Variants in NECTIN3 observed in about 807,000 individuals in gnomAD.
NECTIN3 encodes the protein nectin cell adhesion molecule 3.
In NECTIN3, 8 loss-of-function variants were observed where a neutral mutation model predicts 49.4. That is an observed-to-expected ratio of 0.16 (90% CI 0.10 to 0.29). NECTIN3 has a LOEUF of 0.29. Among genes scored for constraint, NECTIN3 ranks in the 10% least tolerant of loss-of-function variants. The pLI is 1.00. For synonymous variants in NECTIN3, 277 were observed against 241.1 expected, an observed-to-expected ratio of 1.15 and a Z score of -1.38; for missense variants, 581 against 654.6, an observed-to-expected ratio of 0.89 and a Z score of 1.23.
At chr3:111,075,343 C>A (rs1027553466) in intron 1 of NECTIN3, 2 of 152,252 alleles carry the variant, frequency 1.3e-5, no homozygotes, top group African/African-American at 4.8e-5. Flanking sequence ...GTCCTTCCCT[C>A]CCTTCCTCTC....
intron 7 of NECTIN3, among the ~76,000 whole-genome samples, chr3:111,175,174 C>T (rs1339209400): frequency 3.3e-5 from 5 of 151,636 alleles, no homozygotes; most frequent in African/African-American, 9.7e-5. Flanking sequence ...CACATTGTTC[C>T]GCCATCCATC....
intron 1 of NECTIN3, among the ~76,000 whole-genome samples, chr3:111,108,372 T>G (rs952015205): frequency 6.6e-6 from 1 of 152,058 alleles, no homozygotes; most frequent in Non-Finnish European, 1.5e-5. Flanking sequence ...TGTAGAATTT[T>G]TAAAATACAA....
intron 7 of NECTIN3, among the ~76,000 whole-genome samples, chr3:111,153,846 A>G (rs2035045376): frequency 6.6e-6 from 1 of 152,020 alleles, no homozygotes; most frequent in Non-Finnish European, 1.5e-5. Flanking sequence ...TCAAATAACT[A>G]TTTCTTGAAT....
chr3:111,086,284 A>G (rs1157326794), intron 1 of NECTIN3, among the ~76,000 whole-genome samples: 1 of 152,264 alleles, frequency 6.6e-6, no homozygotes, highest in Non-Finnish European at 1.5e-5. Flanking sequence ...CAGTTCCTGA[A>G]TATCTGTCTG....
Position 111,071,870 on chromosome 3 carries a change from C to G in NECTIN3, c.-148C>G. 2.1e-6 allele frequency: 1 copy of G among 472,464 alleles called. No homozygotes were observed. The highest frequency in any genetic ancestry group is 3.4e-6 in the Non-Finnish European group (1 of 295,600). The allele number at this position is 472,464 out of a possible 1,614,324, so 29.3% of individuals were successfully genotyped here. A position where few individuals can be genotyped will look rare whatever the true frequency, so the allele number is the denominator to read the frequency against. On this transcript the variant is annotated 5_prime_UTR_variant, in exon 1 of 6. Coordinates refer to ENST00000485303, the MANE Select transcript of NECTIN3 (RefSeq NM_015480.3). ...TGTCGAGGCAGCCGCCAGCGTTCGG[C>G]CAAGTGTCAGCCGGCAGCGACGGCG...
intron 7 of NECTIN3, among the ~76,000 whole-genome samples, chr3:111,159,506 T>C (rs2035166369): frequency 6.6e-6 from 1 of 152,170 alleles, no homozygotes; most frequent in Admixed American, 6.5e-5. Flanking sequence ...TTATTTTATT[T>C]TTTTAAGTGA....
At chr3:111,120,241 T>A (rs1168363695) in intron 3 of NECTIN3, among the ~76,000 whole-genome samples, 1 of 152,192 alleles carries the variant, frequency 6.6e-6, no homozygotes, top group Non-Finnish European at 1.5e-5. Flanking sequence ...TATTTTCAAT[T>A]TGTTTTTTTT....
chr3:111,102,060 C>T (rs1193989812), intron 1 of NECTIN3, among the ~76,000 whole-genome samples: 1 of 152,038 alleles, frequency 6.6e-6, no homozygotes, highest in East Asian at 1.9e-4. Flanking sequence ...ATTTATATGG[C>T]CCAGGGTAAG....
chr3:111,148,236 A>G (rs1374771661), intron 7 of NECTIN3, among the ~76,000 whole-genome samples: 1 of 152,200 alleles, frequency 6.6e-6, no homozygotes, highest in African/African-American at 2.4e-5. Flanking sequence ...CCATCAATTC[A>G]TTGATTTAAT....
At chr3:111,177,557 A>T (rs1030528674) in intron 7 of NECTIN3, among the ~76,000 whole-genome samples, 10 of 152,172 alleles carry the variant, frequency 6.6e-5, no homozygotes, top group Non-Finnish European at 1.3e-4. Flanking sequence ...GATTTTCTCT[A>T]CTTGATGGCT....
At chr3:111,103,745 T>G (rs2033036302) in intron 1 of NECTIN3, among the ~76,000 whole-genome samples, 1 of 152,086 alleles carries the variant, frequency 6.6e-6, no homozygotes, top group South Asian at 2.1e-4. Context: ...CTGGAAAGAT[T>G]CTAGTTTCTT....
chr3:111,081,454 G>A (rs1420040374), intron 1 of NECTIN3, among the ~76,000 whole-genome samples: 1 of 152,192 alleles, frequency 6.6e-6, no homozygotes, highest in South Asian at 2.1e-4. Flanking sequence ...ATGTGTGTGT[G>A]TGTATTAACC....
intron 1 of NECTIN3, among the ~76,000 whole-genome samples, chr3:111,075,478 A>AATT (rs1299721881): frequency 1.3e-5 from 2 of 152,104 alleles, no homozygotes; most frequent in African/African-American, 4.8e-5. Context: ...TGAGAATTAA[A>AATT]TGACAGAATA....
chr3:111,147,757 A>G (rs1224322848), intron 7 of NECTIN3, among the ~76,000 whole-genome samples: 1 of 152,222 alleles, frequency 6.6e-6, no homozygotes, highest in Non-Finnish European at 1.5e-5. Flanking sequence ...ACAAATCAAC[A>G]TTATATTAGG....
Position 111,133,730 on chromosome 3 carries a change from T to C in NECTIN3, c.1165T>C (p.Phe389Leu). ...AGCAACAGAACCTAAAAAATTGCCC[T>C]TCCCATTGTCAACTTTGGCAACAAT... Reference protein sequence around the residue: ...DLATEPKKLPFPLSTLATIKD... With the variant: ...DLATEPKKLPLPLSTLATIKD... The change falls in exon 6 of 6, where the codon TTC becomes CTC. Residue 389 changes from phenylalanine to leucine, a missense_variant. This residue lies in a region of NECTIN3 where 238 missense variants were observed against 244.9 expected (regional missense o/e 0.97). Transcript: ENST00000485303. 1 of 1,613,914 alleles carries C rather than the reference T, an allele frequency of 6.2e-7. No homozygotes were observed. Among genetic ancestry groups the C allele is most frequent in the Non-Finnish European group, 8.5e-7 (1 of 1,179,850 alleles).
chr3:111,116,583 A>G (rs2033697740), intron 2 of NECTIN3, among the ~76,000 whole-genome samples: 1 of 152,120 alleles, frequency 6.6e-6, no homozygotes, highest in South Asian at 2.1e-4. Flanking sequence ...TAGCAGAACC[A>G]AATTTAAGGA....
chr3:111,132,007 C>G (rs2034411806), intron 5 of NECTIN3, among the ~76,000 whole-genome samples: 1 of 151,808 alleles, frequency 6.6e-6, no homozygotes, highest in African/African-American at 2.4e-5. Flanking sequence ...TCTGCTTCCT[C>G]AGAAAATACA....
At chr3:111,080,381 T>G (rs1437368564) in intron 1 of NECTIN3, among the ~76,000 whole-genome samples, 1 of 152,010 alleles carries the variant, frequency 6.6e-6, no homozygotes, top group Non-Finnish European at 1.5e-5. Context: ...AAATTTGTAT[T>G]TGGCATGCCC....
At chr3:111,094,480 T>A (rs1002084571) in intron 1 of NECTIN3, among the ~76,000 whole-genome samples, 2 of 152,148 alleles carry the variant, frequency 1.3e-5, no homozygotes, top group African/African-American at 2.4e-5. Flanking sequence ...AAAAGATACG[T>A]TAAAAGATTA....
Sources: allele counts gnomAD v4.1 joint callset (sites outside exome capture counted in the v4.1 genomes callset), GRCh38; gene constraint gnomAD v4.1.1; regional missense constraint gnomAD v4.1.1; transcripts MANE v1.5; gene names NCBI Gene and HGNC (gene_info 2026-07-23, HGNC 2026-07-21).